The following SEC24A variants were observed in gnomAD, a reference collection of about 807,000 sequenced individuals.
SEC24A encodes the protein protein transport protein Sec24A.
A neutral mutation model predicts 129.4 loss-of-function variants in SEC24A; 93 were observed. The ratio of observed to expected loss-of-function variants is 0.72; its 90% CI spans 0.61 to 0.85. SEC24A has a LOEUF of 0.85. Ranked by LOEUF, SEC24A falls within the 40% of genes least tolerant of loss-of-function variation. SEC24A has a pLI of 0.00. For missense variants in SEC24A, 1,264 were observed against 1,307.4 expected (o/e 0.97, Z 0.51); for synonymous variants, 460 against 467.3 (o/e 0.98, Z 0.20).
chr5:134,698,373 G>T (rs1350342565), intron 15 of SEC24A, among the ~76,000 whole-genome samples: 1 of 152,298 alleles, frequency 6.6e-6, no homozygotes, highest in East Asian at 1.9e-4. Flanking sequence ...GGAGGCCAAG[G>T]CTGGTGGATC....
At chr5:134,704,499 A>G (rs1752095563) in intron 16 of SEC24A, among the ~76,000 whole-genome samples, 1 of 152,228 alleles carries the variant, frequency 6.6e-6, no homozygotes, top group Non-Finnish European at 1.5e-5. Flanking sequence ...AAAGAATTTT[A>G]TAGTTAAAAC....
Position 134,720,995 on chromosome 5 carries a change from T to G in SEC24A, c.2971-3T>G. 1 of 1,583,902 alleles carries G rather than the reference T, an allele frequency of 6.3e-7. No homozygotes were observed. Among genetic ancestry groups the G allele is most frequent in the African/African-American group, 1.3e-5 (1 of 74,376 alleles). ...CTCAAAATAATTTTATTCCTGTCCC[T>G]AGGTACTGATGCTTTGGGTTGGAAA... On this transcript the variant is annotated splice_region_variant and splice_polypyrimidine_tract_variant and intron_variant, in intron 20 of 22. Coordinates refer to ENST00000398844, the MANE Select transcript of SEC24A (RefSeq NM_021982.3).
chr5:134,684,431 G>A (rs1310004811), intron 9 of SEC24A, among the ~76,000 whole-genome samples: 1 of 151,956 alleles, frequency 6.6e-6, no homozygotes, highest in Admixed American at 6.6e-5. Context: ...ACATTTTGTT[G>A]GCCAGGTGCA....
intron 15 of SEC24A, among the ~76,000 whole-genome samples, chr5:134,699,156 G>A (rs1037074489): frequency 2.6e-5 from 4 of 151,682 alleles, no homozygotes; most frequent in Non-Finnish European, 4.4e-5. Flanking sequence ...TTGCAAGCTC[G>A]TGGGCTCACG....
intron 2 of SEC24A, among the ~76,000 whole-genome samples, chr5:134,661,846 G>A (rs890328386): frequency 2.7e-5 from 4 of 145,464 alleles, no homozygotes; most frequent in African/African-American, 1.0e-4. Context: ...TTTTGAGATG[G>A]GGTCTTGCTC....
At chr5:134,702,623 G>A (rs568484963) in intron 15 of SEC24A, among the ~76,000 whole-genome samples, 2 of 152,176 alleles carry the variant, frequency 1.3e-5, no homozygotes, top group African/African-American at 2.4e-5. Flanking sequence ...GTGACATATT[G>A]TATGTATTTT....
In SEC24A at chr5:134,649,088, G is replaced by A. The variant is rs1407265960; in HGVS notation, c.12G>A (p.Pro4=). Residue 4 remains proline, a synonymous_variant, in exon 1 of 23, where the codon CCG becomes CCA. Transcript: ENST00000398844. ...CCAACCCAGTCATCATGTCCCAGCC[G>A]GGAATACCGGCCTCCGGCGGCGCCC... The part of the protein sequence containing the change: MSQ[P]GIPASGGAPA... The A allele has an allele frequency of 3.7e-6, 6 of 1,608,700 alleles. No homozygotes were observed. The Admixed American group carries it at 5.1e-5, about 14-fold the overall frequency.
chr5:134,666,794 T>C, intron 2 of SEC24A, 29 bp from the exon 3 acceptor site: 1 of 1,608,000 alleles, frequency 6.2e-7, no homozygotes, highest in Non-Finnish European at 8.5e-7. Context: ...AGTTCTCAAG[T>C]GACGTGTGAA....
chr5:134,705,887 C>CTT (rs548555016), intron 17 of SEC24A, among the ~76,000 whole-genome samples: 27 of 140,560 alleles, frequency 1.9e-4, no homozygotes, highest in African/African-American at 5.5e-4. Flanking sequence ...TTAGCTATAT[C>CTT]TTTTTTTTTT....
rs960780838 is a variant in SEC24A at position 134,697,181 on chromosome 5, C to G, written c.2042C>G (p.Ser681Cys). 1.9e-6 allele frequency: 3 copies of G among 1,600,948 alleles called. No individual in the cohort carries two copies. Among genetic ancestry groups the G allele is most frequent in the Non-Finnish European group, 2.6e-6 (3 of 1,169,222 alleles). ...TATAAGAAATTAGCCTTGGACTGTT[C>G]TGGTCAGCAAGTTGCTGTTGACTTA... ...DFYKKLALDCSGQQVAVDLFL... is the reference protein window; with the variant it reads ...DFYKKLALDCCGQQVAVDLFL... Residue 681 changes from serine (S) to cysteine (C), a missense_variant, in exon 14 of 23, where the codon TCT becomes TGT. Transcript: ENST00000398844.
At chr5:134,678,115 G>A (rs184837644) in intron 7 of SEC24A, among the ~76,000 whole-genome samples, 1 of 152,138 alleles carries the variant, frequency 6.6e-6, no homozygotes, top group East Asian at 1.9e-4. Flanking sequence ...TTGAACTCTT[G>A]GGCTCAAGCA....
rs1751704576 is a variant in SEC24A at position 134,692,880 on chromosome 5, G to A, written c.1779+223G>A. 4.1e-6 allele frequency: 3 copies of A among 733,920 alleles called. No individual in the cohort carries two copies. In the South Asian group the frequency reaches 4.8e-5, roughly 12 times the overall value. The allele number at this position is 733,920 out of a possible 1,614,324, so 45.5% of individuals were successfully genotyped here. A position where few individuals can be genotyped will look rare whatever the true frequency, so the allele number is the denominator to read the frequency against. On this transcript the variant is annotated intron_variant, in intron 12 of 22. Coordinates refer to ENST00000398844, the MANE Select transcript of SEC24A (RefSeq NM_021982.3). ...TTATTTGTAGTAGGGTAGAAAATAAGCATATTCCATAAAGGAGGAACACTT... is the reference window on the plus strand; with the variant it reads ...TTATTTGTAGTAGGGTAGAAAATAAACATATTCCATAAAGGAGGAACACTT...
At chr5:134,672,386 C>T (rs1028855258) in intron 4 of SEC24A, among the ~76,000 whole-genome samples, 2 of 152,188 alleles carry the variant, frequency 1.3e-5, no homozygotes, top group Admixed American at 6.6e-5. Flanking sequence ...CAGGGTTTCA[C>T]CATGTTGGCC....
chr5:134,697,879 CAG>C lies in SEC24A; in HGVS notation c.2108-19_2108-18del, dbSNP rs1460880284. 2 of 1,600,990 alleles carry C rather than the reference CAG, an allele frequency of 1.2e-6. No homozygotes were observed. Among genetic ancestry groups the C allele is most frequent in the African/African-American group, 1.3e-5 (1 of 74,082 alleles). On this transcript the variant is annotated intron_variant, in intron 14 of 22. Coordinates refer to ENST00000398844, the MANE Select transcript of SEC24A (RefSeq NM_021982.3). ...AAATAGTTAACGGCACAGTTTAAAA[CAG>C]TGTGTGTTCTCTTCCAGGTTGTATT...
chr5:134,657,609 C>T (rs1750292223), intron 1 of SEC24A, among the ~76,000 whole-genome samples: 1 of 152,156 alleles, frequency 6.6e-6, no homozygotes, highest in Admixed American at 6.6e-5. Context: ...CAGGTTCTCA[C>T]TCTGTTGCCC....
At chr5:134,669,368 G>C (rs1750778316) in intron 3 of SEC24A, among the ~76,000 whole-genome samples, 1 of 151,646 alleles carries the variant, frequency 6.6e-6, no homozygotes, top group Non-Finnish European at 1.5e-5. Flanking sequence ...GTTTCTCCAT[G>C]TTGGTCAGGC....
In SEC24A at chr5:134,693,827, T is replaced by A; in HGVS notation, c.1880T>A (p.Met627Lys). 1 of 1,614,202 alleles carries A rather than the reference T, an allele frequency of 6.2e-7. No homozygotes were observed. Among genetic ancestry groups the A allele is most frequent in the Non-Finnish European group, 8.5e-7 (1 of 1,180,034 alleles). ...GCACTGCAGGCTGCCTTTAAGCTGA[T>A]GTCTCCAACTGGTGGTCGAATGTCT... ...GPALQAAFKL[M>K]SPTGGRMSVF... The change falls in exon 13 of 23, where the codon ATG (methionine) becomes AAG (lysine). Residue 627 changes from methionine (M) to lysine (K), a missense_variant. Coordinates refer to ENST00000398844, the MANE Select transcript of SEC24A (RefSeq NM_021982.3).
At chr5:134,650,946 T>C (rs1312521793) in intron 1 of SEC24A, among the ~76,000 whole-genome samples, 1 of 151,926 alleles carries the variant, frequency 6.6e-6, no homozygotes, top group Non-Finnish European at 1.5e-5. Flanking sequence ...AGCTAATTTT[T>C]ATATTTTTAG....
At position 134,697,814 on chromosome 5, in the gene SEC24A, A is replaced by C. The variant is rs1398786741; in HGVS notation, c.2108-85A>C. The stretch of plus-strand genomic sequence containing the variant: ...GTAGTTTACCTTGGAAAGTTAAAGA[A>C]AGATTGATTCCAATGTCTTTAGTTA... On this transcript the variant is annotated intron_variant, in intron 14 of 22. Coordinates refer to ENST00000398844, the MANE Select transcript of SEC24A (RefSeq NM_021982.3). The C allele has an allele frequency of 3.7e-6, 5 of 1,352,662 alleles. No individual in the cohort carries two copies. The South Asian group carries it at 5.6e-5, about 15-fold the overall frequency. The allele number at this position is 1,352,662 out of a possible 1,614,324, so 83.8% of individuals were successfully genotyped here.
Sources: gnomAD v4.1 joint callset for allele counts (sites outside exome capture counted in the v4.1 genomes callset) on GRCh38, gnomAD v4.1.1 for gene constraint, MANE v1.5 for transcripts, NCBI Gene and HGNC (gene_info 2026-07-23, HGNC 2026-07-21) for gene names.